Variants in STK31 observed in about 807,000 individuals in gnomAD.
STK31 encodes serine/threonine kinase 31, also known as serine/threonine-protein kinase 31.
A neutral mutation model predicts 129.7 loss-of-function variants in STK31; 89 were observed. The observed-to-expected ratio is 0.69, with a 90% CI of 0.58 to 0.82. The LOEUF is 0.82. Ranked by LOEUF, STK31 falls within the 40% of genes least tolerant of loss-of-function variation. STK31 has a pLI of 0.00. For missense variants in STK31, 1,187 were observed against 1,176.4 expected (o/e 1.01, Z -0.13); for synonymous variants, 448 against 395.3 (o/e 1.13, Z -1.58).
rs1197638067 is a variant in STK31 at position 23,781,412 on chromosome 7, A to T, written c.1966-7A>T. 1.9e-6 allele frequency: 3 copies of T among 1,596,628 alleles called. No homozygotes were observed. Among genetic ancestry groups the T allele is most frequent in the Non-Finnish European group, 1.7e-6 (2 of 1,173,058 alleles). On this transcript the variant is annotated splice_polypyrimidine_tract_variant and splice_region_variant and intron_variant, in intron 15 of 23. Coordinates refer to ENST00000355870, the MANE Select transcript of STK31 (RefSeq NM_031414.5). ...TAATAAAAAACACTTTTTCTTTCTG[A>T]TTCAAGTCAGATGATCCTGATGGCT...
At chr7:23,734,746 C>T (rs879369131) in intron 6 of STK31, among the ~76,000 whole-genome samples, 56 of 152,256 alleles carry the variant, frequency 3.7e-4, no homozygotes, top group African/African-American at 1.3e-3. Flanking sequence ...GGGCGGATCA[C>T]TTGAGGTTAG....
chr7:23,825,901 G>T (rs569669222), intron 23 of STK31, among the ~76,000 whole-genome samples: 1 of 152,234 alleles, frequency 6.6e-6, no homozygotes, highest in Admixed American at 6.5e-5. Flanking sequence ...CCATGTAGTT[G>T]AGTGGTTTTG....
intron 17 of STK31, among the ~76,000 whole-genome samples, chr7:23,784,945 A>G (rs1048742935): frequency 4.6e-5 from 7 of 152,088 alleles, no homozygotes; most frequent in African/African-American, 1.7e-4. Flanking sequence ...TGATACCTAC[A>G]TTTTTGTCAT....
At chr7:23,764,982 CTTTTAAGTTCGTATCCCACCTTTCT>C (rs1789720028) in intron 11 of STK31, among the ~76,000 whole-genome samples, 1 of 151,470 alleles carries the variant, frequency 6.6e-6, no homozygotes, top group Non-Finnish European at 1.5e-5. Context: ...TTTTGTTTGC[CTTTTAAGTTCGTATCCCACCTTTCT>C]TTTTGGTTAA....
At chr7:23,798,936 T>C (rs1030087566) in intron 22 of STK31, among the ~76,000 whole-genome samples, 3 of 152,162 alleles carry the variant, frequency 2.0e-5, no homozygotes, top group Non-Finnish European at 1.5e-5. Context: ...CTCACAAACA[T>C]TCTTATACAC....
chr7:23,721,538 C>T (rs1334731417), intron 4 of STK31: 8 of 947,652 alleles, frequency 8.4e-6, no homozygotes, highest in Middle Eastern at 4.6e-4. Flanking sequence ...CTGTTTAACT[C>T]TCTTTTTTTT....
At chr7:23,815,520 A>G (rs1445067131) in intron 23 of STK31, among the ~76,000 whole-genome samples, 1 of 152,142 alleles carries the variant, frequency 6.6e-6, no homozygotes, top group African/African-American at 2.4e-5. Flanking sequence ...GTTTTTTGTA[A>G]GTACCTAACT....
At chr7:23,753,723 C>G (rs1041499716) in intron 9 of STK31, among the ~76,000 whole-genome samples, 19 of 152,212 alleles carry the variant, frequency 1.2e-4, no homozygotes, top group Admixed American at 1.3e-4. Context: ...CCCACTCATT[C>G]ACCAAAGTTT....
chr7:23,712,036 A>C (rs1478582283), intron 1 of STK31, 63 bp from the exon 2 acceptor site: 3 of 1,318,464 alleles, frequency 2.3e-6, no homozygotes, highest in Non-Finnish European at 3.2e-6. Context: ...AACATGATGT[A>C]GTTTAGTCTT....
chr7:23,774,970 T>G (rs969604867), intron 15 of STK31, among the ~76,000 whole-genome samples: 14 of 152,206 alleles, frequency 9.2e-5, no homozygotes, highest in African/African-American at 2.2e-4. Context: ...GTAAGGAAGG[T>G]ATCCAGTTTC....
chr7:23,730,878 A>ATATATATATATTTTTT, intron 6 of STK31, among the ~76,000 whole-genome samples: 10 of 59,544 alleles, frequency 1.7e-4, no homozygotes, highest in Admixed American at 5.4e-4. Flanking sequence ...ATATATATAT[A>ATATATATATATTTTTT]TTTTTTTTTT....
At chr7:23,826,484 A>G (rs568680531) in intron 23 of STK31, among the ~76,000 whole-genome samples, 6 of 152,076 alleles carry the variant, frequency 3.9e-5, no homozygotes, top group South Asian at 2.1e-4. Context: ...TTTTGAGCCT[A>G]TGTGTGTCTC....
In STK31 at chr7:23,824,528, A is replaced by G. The variant is rs561315472; in HGVS notation, c.2830-7608A>G. On this transcript the variant is annotated intron_variant, in intron 23 of 23. Coordinates refer to ENST00000355870, the MANE Select transcript of STK31 (RefSeq NM_031414.5). ...GATGATGGGGTTTTCTAGATATACA[A>G]TCATGTCATCTGCAAACAGGGACAA... Among the ~76,000 whole-genome samples the G allele has an allele frequency of 4.6e-5, 7 of 152,276 alleles. 1 individual carries two copies. The South Asian group carries it at 1.2e-3, about 27-fold the overall frequency.
Position 23,729,265 on chromosome 7 carries a change from T to G in STK31, c.483+16T>G, listed in dbSNP as rs765598917. The G allele has an allele frequency of 6.4e-7, 1 of 1,557,172 alleles. No homozygotes were observed. Among genetic ancestry groups the G allele is most frequent in the Non-Finnish European group, 8.6e-7 (1 of 1,158,298 alleles). On this transcript the variant is annotated intron_variant, in intron 6 of 23. Coordinates refer to ENST00000355870, the MANE Select transcript of STK31 (RefSeq NM_031414.5). ...GTTTGATCAGGCAAGTCACGTATTT[T>G]AAATATTTTTGCTAATGAAAGTAAA...
intron 23 of STK31, among the ~76,000 whole-genome samples, chr7:23,827,731 A>G (rs985069435): frequency 5.3e-5 from 8 of 151,526 alleles, no homozygotes; most frequent in African/African-American, 1.2e-4. Flanking sequence ...GGTTTTATCT[A>G]CCTTTGGTCT....
At chr7:23,804,166 C>T (rs542987333) in intron 22 of STK31, among the ~76,000 whole-genome samples, 6 of 152,300 alleles carry the variant, frequency 3.9e-5, no homozygotes, top group African/African-American at 9.6e-5. Context: ...GATCTTCCCA[C>T]CTCGATCTCC....
intron 6 of STK31, among the ~76,000 whole-genome samples, chr7:23,734,704 C>T (rs1027815895): frequency 2.6e-5 from 4 of 152,148 alleles, no homozygotes; most frequent in African/African-American, 4.8e-5. Flanking sequence ...GTGGCTCACC[C>T]CTGTAATCCC....
intron 22 of STK31, 71 bp downstream of exon 22, chr7:23,791,017 T>C: frequency 3.3e-6 from 4 of 1,202,892 alleles, no homozygotes; most frequent in Non-Finnish European, 4.3e-6. Context: ...GATTTTATAG[T>C]GATTCTCCTT....
Position 23,717,499 on chromosome 7 carries a change from G to T in STK31, c.169G>T (p.Asp57Tyr). The T allele has an allele frequency of 6.2e-7, 1 of 1,611,020 alleles. No individual in the cohort carries two copies. Among genetic ancestry groups the T allele is most frequent in the South Asian group, 1.1e-5 (1 of 90,878 alleles). Residue 57 changes from aspartate (D) to tyrosine (Y), a missense_variant, in exon 4 of 24, where the codon GAT (aspartate) becomes TAT (tyrosine). Physicochemically the swap from Asp to Tyr is radical, Grantham distance 160. Transcript: ENST00000355870. Reference sequence around the variant, plus strand: ...TTTCTAGAGTATCAATAGAAATAAGGATATCATGAAGATTGGTTGCTCACT... The same window carrying T: ...TTTCTAGAGTATCAATAGAAATAAGTATATCATGAAGATTGGTTGCTCACT... ...FWAQSINRNK[D>Y]IMKIGCSLSE...
Sources: allele counts gnomAD v4.1 joint callset (sites outside exome capture counted in the v4.1 genomes callset), GRCh38; gene constraint gnomAD v4.1.1; transcripts MANE v1.5; gene names NCBI Gene and HGNC (gene_info 2026-07-23, HGNC 2026-07-21).